The following COL23A1 variants were observed in gnomAD, a reference collection of about 807,000 sequenced individuals.
COL23A1 encodes the protein collagen type XXIII alpha 1 chain, also known as collagen alpha-1(XXIII) chain.
Under a neutral mutation model 99.3 loss-of-function variants are expected in COL23A1, and 97 were observed. The observed-to-expected ratio is 0.98, with a 90% CI of 0.83 to 1.16. COL23A1 has a LOEUF of 1.16. COL23A1 is among the 50% of genes most tolerant of loss of function. The pLI is 0.00. For synonymous variants in COL23A1, 320 were observed against 308.2 expected (o/e 1.04, Z -0.40); for missense variants, 762 against 757.4 (o/e 1.01, Z -0.07).
chr5:178,273,104 G>A (rs1017571914), intron 5 of COL23A1, among the ~76,000 whole-genome samples: 1 of 152,176 alleles, frequency 6.6e-6, no homozygotes, highest in Non-Finnish European at 1.5e-5. Context: ...TCTAGGCCTC[G>A]GAAACCTCTG....
chr5:178,331,620 G>A (rs377567080), intron 2 of COL23A1, among the ~76,000 whole-genome samples: 5 of 152,220 alleles, frequency 3.3e-5, no homozygotes, highest in African/African-American at 1.2e-4. Flanking sequence ...CCACCGACAG[G>A]AGGGTGGGGC....
chr5:178,464,035 T>C (rs1318564024), intron 2 of COL23A1, among the ~76,000 whole-genome samples: 1 of 152,192 alleles, frequency 6.6e-6, no homozygotes, highest in Non-Finnish European at 1.5e-5. Flanking sequence ...GCTGTTCACC[T>C]ACCCCCTTTT....
chr5:178,387,783 C>T lies in COL23A1; in HGVS notation c.362-80864G>A, dbSNP rs548970696. 7.9e-5 allele frequency among the ~76,000 whole-genome samples: 12 copies of T among 152,256 alleles called. No homozygotes were observed. The highest frequency in any genetic ancestry group is 2.7e-4 in the African/African-American group (11 of 41,500). ...AGACAGTGTGGGCCATTTTCCCCCG[C>T]GCTGTGCTTGCGGAGTTTCCCACTC... is the stretch of plus-strand genomic sequence containing the variant. On this transcript the variant is annotated intron_variant, in intron 2 of 28. Coordinates refer to ENST00000390654, the MANE Select transcript of COL23A1 (RefSeq NM_173465.4). This position sits in a 1 kb window ranked among gnomAD's most constrained non-coding sequence, Gnocchi z 4.7.
intron 2 of COL23A1, among the ~76,000 whole-genome samples, chr5:178,432,150 A>T (rs1766297649): frequency 6.6e-6 from 1 of 152,262 alleles, no homozygotes. Context: ...GAATCATTGC[A>T]GCATTCTTCA....
intron 2 of COL23A1, among the ~76,000 whole-genome samples, chr5:178,523,198 A>ATG (rs1360546956): frequency 3.7e-5 from 3 of 80,448 alleles, no homozygotes; most frequent in Non-Finnish European, 7.8e-5. Flanking sequence ...ATATATATAT[A>ATG]TATAGAGAGA....
intron 1 of COL23A1, among the ~76,000 whole-genome samples, chr5:178,565,836 G>A (rs1762814563): frequency 6.6e-6 from 1 of 151,936 alleles, no homozygotes; most frequent in East Asian, 1.9e-4. Flanking sequence ...ATCAGGGCCG[G>A]GCGCGGTGGC....
In COL23A1 at chr5:178,270,385, A is replaced by G. The variant is rs774933136; in HGVS notation, c.442-22T>C. 1.5e-5 allele frequency: 25 copies of G among 1,613,274 alleles called. No individual in the cohort carries two copies. In the East Asian group the frequency reaches 1.6e-4, roughly 10 times the overall value. ...GTCCCTGGAAAACGAGAGAGAGAGA[A>G]CACAGGTTACACACGGGGATGACAC... On this transcript the variant is annotated intron_variant, in intron 5 of 28. Transcript: ENST00000390654.
At chr5:178,421,211 G>C (rs1479887994) in intron 2 of COL23A1, among the ~76,000 whole-genome samples, 2 of 152,134 alleles carry the variant, frequency 1.3e-5, no homozygotes, top group Non-Finnish European at 2.9e-5. Flanking sequence ...TGGAGATATA[G>C]GTTGACCTAA....
chr5:178,509,188 G>A (rs1397191659), intron 2 of COL23A1, among the ~76,000 whole-genome samples: 3 of 69,748 alleles, frequency 4.3e-5, no homozygotes, highest in African/African-American at 1.1e-4. Context: ...CCACCCCACC[G>A]GCATCGGACC....
chr5:178,250,323 G>A (rs768415972), intron 17 of COL23A1, among the ~76,000 whole-genome samples: 4 of 152,202 alleles, frequency 2.6e-5, no homozygotes, highest in African/African-American at 4.8e-5. Flanking sequence ...TCACAGATTC[G>A]GGCGCTGAGG....
chr5:178,325,801 C>A (rs997475872), intron 2 of COL23A1, among the ~76,000 whole-genome samples: 9 of 152,226 alleles, frequency 5.9e-5, no homozygotes, highest in Non-Finnish European at 1.3e-4. Context: ...TCCAGGGTGT[C>A]CACAGCGGCC....
intron 2 of COL23A1, among the ~76,000 whole-genome samples, chr5:178,353,537 G>A (rs1052227793): frequency 2.0e-5 from 3 of 152,292 alleles, no homozygotes; most frequent in East Asian, 1.9e-4. Context: ...GCCATTTGCC[G>A]AAAAGGAAAC....
At chr5:178,573,421 T>C (rs987591946) in intron 1 of COL23A1, among the ~76,000 whole-genome samples, 2 of 152,230 alleles carry the variant, frequency 1.3e-5, no homozygotes, top group African/African-American at 4.8e-5. Context: ...CAGGAGCCAC[T>C]TGGCTTTTCT....
chr5:178,490,140 C>T lies in COL23A1; in HGVS notation c.361+70542G>A, dbSNP rs1034226277. ...ACTCAGGAGGCTGAGGCAGAAGAAT[C>T]GCTTGAACCTGGGAGGCAGAGGTTG... On this transcript the variant is annotated intron_variant, in intron 2 of 28. Transcript: ENST00000390654. 5.3e-5 allele frequency among the ~76,000 whole-genome samples: 8 copies of T among 151,880 alleles called. 1 individual carries two copies. In the South Asian group the frequency reaches 1.5e-3, roughly 28 times the overall value.
intron 2 of COL23A1, among the ~76,000 whole-genome samples, chr5:178,357,619 G>C (rs1483022511): frequency 6.6e-6 from 1 of 152,208 alleles, no homozygotes; most frequent in Admixed American, 6.5e-5. Context: ...TATCACCCTT[G>C]CTTTCACATG....
chr5:178,420,374 C>A (rs923127978), intron 2 of COL23A1, among the ~76,000 whole-genome samples: 2 of 136,564 alleles, frequency 1.5e-5, no homozygotes, highest in East Asian at 2.3e-4. Context: ...TCTCTTTCCT[C>A]CTCCCCTCCC....
chr5:178,422,568 T>C (rs1326400703), intron 2 of COL23A1, among the ~76,000 whole-genome samples: 3 of 152,106 alleles, frequency 2.0e-5, no homozygotes, highest in Non-Finnish European at 4.4e-5. Flanking sequence ...TGCACGTCCC[T>C]GAGCCACAGC....
rs373595641 is a variant in COL23A1, at chr5:178,416,928, A to G, written c.362-110009T>C. On this transcript the variant is annotated intron_variant, in intron 2 of 28. Coordinates refer to ENST00000390654, the MANE Select transcript of COL23A1 (RefSeq NM_173465.4). The stretch of plus-strand genomic sequence containing the variant: ...TCCGGTTCAGGCCCATCACAACCTG[A>G]CCACAGCCCGAGATCTGGCCTCCTC... 2.6e-5 allele frequency among the ~76,000 whole-genome samples: 4 copies of G among 152,262 alleles called. No homozygotes were observed. The East Asian group carries it at 5.8e-4, about 22-fold the overall frequency.
chr5:178,283,208 A>T (rs1756990382), intron 5 of COL23A1, among the ~76,000 whole-genome samples: 1 of 152,080 alleles, frequency 6.6e-6, no homozygotes, highest in South Asian at 2.1e-4. Flanking sequence ...TTCTATAAAC[A>T]CAGAGTCAAG....
Sources: gnomAD v4.1 joint callset for allele counts (sites outside exome capture counted in the v4.1 genomes callset) on GRCh38, gnomAD v4.1.1 for gene constraint, Gnocchi (gnomAD v3.1) non-coding constraint, MANE v1.5 for transcripts, NCBI Gene and HGNC (gene_info 2026-07-23, HGNC 2026-07-21) for gene names.